Variants in SNX18 observed in about 807,000 individuals in gnomAD.
SNX18 encodes sorting nexin 18.
A neutral mutation model predicts 48.7 loss-of-function variants in SNX18; 35 were observed. That is an observed-to-expected ratio of 0.72 (90% CI 0.55 to 0.95). SNX18 has a LOEUF of 0.95. Ranked by LOEUF, SNX18 falls within the 40% of genes least tolerant of loss-of-function variation. The probability of loss-of-function intolerance (pLI) is 0.00; values close to 1 mark genes in which losing one functional copy is unlikely to be tolerated. For synonymous variants in SNX18, 492 were observed against 384.7 expected (o/e 1.28, Z -3.26); for missense variants, 824 against 871.0 (o/e 0.95, Z 0.68).
At chr5:54,527,371 C>T (rs1762154948) in intron 1 of SNX18, among the ~76,000 whole-genome samples, 1 of 132,770 alleles carries the variant, frequency 7.5e-6, no homozygotes, top group Admixed American at 7.8e-5. Context: ...GGGGGGGGGT[C>T]CCCCTCCAGC....
the SNX18 span, among the ~76,000 whole-genome samples, chr5:54,618,183 G>A: frequency 0.011 from 1,633 of 152,208 alleles, 33 homozygotes; most frequent in African/African-American, 0.038. Flanking sequence ...CCTTTGCTTG[G>A]CACTTCTCTC....
At chr5:54,523,000 C>T (rs1009217543) in intron 1 of SNX18, among the ~76,000 whole-genome samples, 2 of 152,064 alleles carry the variant, frequency 1.3e-5, no homozygotes, top group Admixed American at 1.3e-4. Flanking sequence ...TTGCTGTAGT[C>T]TGCGGTACAT....
chr5:54,552,935 G>A, the SNX18 span, among the ~76,000 whole-genome samples: 1 of 152,112 alleles, frequency 6.6e-6, no homozygotes, highest in South Asian at 2.1e-4. Context: ...CGAACCTGAA[G>A]ACTTGAAGGA....
chr5:54,528,701 T>A (rs1185797749), intron 1 of SNX18, among the ~76,000 whole-genome samples: 1 of 152,122 alleles, frequency 6.6e-6, no homozygotes, highest in Non-Finnish European at 1.5e-5. Flanking sequence ...TGATGTGAAG[T>A]AGGACAGAAG....
the SNX18 span, among the ~76,000 whole-genome samples, chr5:54,601,147 C>T: frequency 6.6e-6 from 1 of 152,132 alleles, no homozygotes; most frequent in Non-Finnish European, 1.5e-5. Context: ...TGCTGGAACA[C>T]CTCTTCCCAA....
At chr5:54,574,844 T>G in the SNX18 span, among the ~76,000 whole-genome samples, 1 of 152,230 alleles carries the variant, frequency 6.6e-6, no homozygotes, top group African/African-American at 2.4e-5. Context: ...AGCCAACAAC[T>G]TGCATTTCCA....
the SNX18 span, among the ~76,000 whole-genome samples, chr5:54,566,682 G>A: frequency 6.4e-4 from 98 of 152,304 alleles, no homozygotes; most frequent in Non-Finnish European, 1.3e-3. Context: ...TGTTTTAAGG[G>A]TTAGGCCAGA....
At chr5:54,559,772 C>G in the SNX18 span, among the ~76,000 whole-genome samples, 2 of 152,104 alleles carry the variant, frequency 1.3e-5, no homozygotes, top group Non-Finnish European at 2.9e-5. Context: ...AGTGAACAGA[C>G]AGCCTACAGA....
the SNX18 span, among the ~76,000 whole-genome samples, chr5:54,627,458 T>A: frequency 5.5e-3 from 835 of 152,264 alleles, 6 homozygotes; most frequent in African/African-American, 0.019. Flanking sequence ...TTAATACACA[T>A]TTGCATATTC....
chr5:54,549,442 C>T (rs1345743412), downstream of SNX18, among the ~76,000 whole-genome samples: 2 of 152,142 alleles, frequency 1.3e-5, no homozygotes, highest in East Asian at 3.9e-4. Context: ...AGAGCCCTGG[C>T]ACAGCATCCT....
chr5:54,547,104 C>T (rs185380065), downstream of SNX18, among the ~76,000 whole-genome samples: 14 of 152,314 alleles, frequency 9.2e-5, no homozygotes, highest in African/African-American at 3.4e-4. Flanking sequence ...TTCTCCTGGC[C>T]TGCCTTTCTT....
chr5:54,554,858 T>G, the SNX18 span, among the ~76,000 whole-genome samples: 100 of 152,100 alleles, frequency 6.6e-4, no homozygotes, highest in Middle Eastern at 3.4e-3. Flanking sequence ...TATATCGGGG[T>G]CTTCCTTTTT....
the SNX18 span, among the ~76,000 whole-genome samples, chr5:54,621,339 T>C: frequency 6.6e-6 from 1 of 152,216 alleles, no homozygotes; most frequent in South Asian, 2.1e-4. Flanking sequence ...TAGTAAAATT[T>C]GAGTTGGGTT....
the SNX18 span, among the ~76,000 whole-genome samples, chr5:54,620,564 G>T: frequency 1.3e-5 from 2 of 152,222 alleles, no homozygotes; most frequent in Admixed American, 6.5e-5. Context: ...CAGCAGATCT[G>T]TAGGGGACCA....
chr5:54,561,504 ATT>A, the SNX18 span, among the ~76,000 whole-genome samples: 3 of 132,980 alleles, frequency 2.3e-5, no homozygotes, highest in Admixed American at 7.7e-5. Context: ...CGCCCAGCTA[ATT>A]TTTTTTTTTT....
the SNX18 span, among the ~76,000 whole-genome samples, chr5:54,581,844 C>T: frequency 6.6e-6 from 1 of 152,196 alleles, no homozygotes; most frequent in East Asian, 1.9e-4. Context: ...GCAAGCAAAA[C>T]ATCTGATTGT....
At chr5:54,557,531 A>T in the SNX18 span, among the ~76,000 whole-genome samples, 2 of 152,330 alleles carry the variant, frequency 1.3e-5, no homozygotes, top group East Asian at 3.9e-4. Context: ...AAAAAGACAA[A>T]TGTTGTTTGA....
chr5:54,554,656 T>C, the SNX18 span, among the ~76,000 whole-genome samples: 1 of 152,240 alleles, frequency 6.6e-6, no homozygotes, highest in South Asian at 2.1e-4. Context: ...CAATATTTCA[T>C]TGTATTTTGT....
chr5:54,523,138 C>T (rs1003520923), intron 1 of SNX18, among the ~76,000 whole-genome samples: 2 of 152,146 alleles, frequency 1.3e-5, no homozygotes, highest in African/African-American at 4.8e-5. Flanking sequence ...ATGTTTGTCA[C>T]TGACATGTAA....
Sources: allele counts gnomAD v4.1 joint callset (sites outside exome capture counted in the v4.1 genomes callset), GRCh38; gene constraint gnomAD v4.1.1; transcripts MANE v1.5; gene names NCBI Gene and HGNC (gene_info 2026-07-23, HGNC 2026-07-21).